Variants in ASH1L observed in about 807,000 individuals in gnomAD.
ASH1L encodes the protein ASH1 like histone lysine methyltransferase, also known as histone-lysine N-methyltransferase ASH1L.
ASH1L carries 23 observed loss-of-function variants against 269.0 expected under a neutral mutation model. The observed-to-expected ratio is 0.09, with a 90% CI of 0.06 to 0.12. The LOEUF is 0.12. ASH1L is among the 10% of genes least tolerant of loss of function. The pLI is 1.00. For synonymous variants in ASH1L, 1,187 were observed against 1,253.5 expected (o/e 0.95, Z 1.12); for missense variants, 2,912 against 3,567.8 (o/e 0.82, Z 4.68).
intron 2 of ASH1L, among the ~76,000 whole-genome samples, chr1:155,486,475 C>G (rs750413209): frequency 7.9e-5 from 12 of 151,076 alleles, no homozygotes; most frequent in Admixed American, 1.3e-4. Flanking sequence ...CTACTGTTGA[C>G]AGCACAACAG....
At chr1:155,350,697 C>A (rs369777430) in intron 17 of ASH1L, among the ~76,000 whole-genome samples, 1 of 152,004 alleles carries the variant, frequency 6.6e-6, no homozygotes, top group Non-Finnish European at 1.5e-5. Context: ...TCAAGGCGGG[C>A]AGATCATGAG....
At chr1:155,508,002 C>CT (rs762754026) in intron 2 of ASH1L, among the ~76,000 whole-genome samples, 1,979 of 136,518 alleles carry the variant, frequency 0.014, 16 homozygotes, top group Non-Finnish European at 0.021. Context: ...GTATACTTGA[C>CT]TTTTTTTTTT....
At chr1:155,475,667 T>C (rs112763433) in intron 3 of ASH1L, among the ~76,000 whole-genome samples, 18 of 152,322 alleles carry the variant, frequency 1.2e-4, no homozygotes, top group South Asian at 4.1e-4. Flanking sequence ...GCATTTACTA[T>C]TGTATATGCC....
chr1:155,504,002 T>C (rs928229063), intron 2 of ASH1L, among the ~76,000 whole-genome samples: 2 of 152,136 alleles, frequency 1.3e-5, no homozygotes, highest in African/African-American at 4.8e-5. Flanking sequence ...GGATTACAGG[T>C]GGGAGCCACC....
chr1:155,449,026 C>G (rs140282381), intron 4 of ASH1L, among the ~76,000 whole-genome samples: 1 of 152,002 alleles, frequency 6.6e-6, no homozygotes, highest in Non-Finnish European at 1.5e-5. Flanking sequence ...CTCCACCTCC[C>G]GAGGTCAAGT....
At chr1:155,382,852 A>C (rs1322357296) in intron 7 of ASH1L, among the ~76,000 whole-genome samples, 2 of 152,004 alleles carry the variant, frequency 1.3e-5, no homozygotes, top group African/African-American at 4.8e-5. Context: ...CTACCTGCCA[A>C]GTTGCTGGCA....
chr1:155,495,204 T>C (rs934029492), intron 2 of ASH1L, among the ~76,000 whole-genome samples: 1 of 152,166 alleles, frequency 6.6e-6, no homozygotes, highest in African/African-American at 2.4e-5. Context: ...GGGTGACAGC[T>C]AGATGATGAA....
At position 155,336,979 on chromosome 1, in the gene ASH1L, T is replaced by C. The variant is rs750470549; in HGVS notation, c.*681A>G. ...GTTATGAAGGGTAAAACAAAAATAA[T>C]TGCAAGAACTACCGTGCCCTTCTGA... On this transcript the variant is annotated 3_prime_UTR_variant, in exon 28 of 28. Coordinates refer to ENST00000392403, the MANE Select transcript of ASH1L (RefSeq NM_018489.3). 28 of 152,284 alleles carry C rather than the reference T, an allele frequency of 1.8e-4. No individual in the cohort carries two copies. The highest frequency in any genetic ancestry group is 4.6e-4 in the African/African-American group (19 of 41,422). 9.4% of individuals were successfully genotyped at this position (152,284 alleles called of 1,614,324 possible).
At chr1:155,472,617 C>T (rs1454429725) in intron 3 of ASH1L, among the ~76,000 whole-genome samples, 1 of 152,064 alleles carries the variant, frequency 6.6e-6, no homozygotes, top group Non-Finnish European at 1.5e-5. Context: ...AGATACAACA[C>T]ACAACAGAAA....
At chr1:155,544,036 A>G (rs1178343413) in intron 1 of ASH1L, among the ~76,000 whole-genome samples, 4 of 151,902 alleles carry the variant, frequency 2.6e-5, no homozygotes, top group Non-Finnish European at 5.9e-5. Context: ...CCCAGACTGG[A>G]GTGCAGTTGT....
intron 1 of ASH1L, among the ~76,000 whole-genome samples, chr1:155,523,302 C>G (rs1295502703): frequency 6.6e-6 from 1 of 152,042 alleles, no homozygotes; most frequent in Non-Finnish European, 1.5e-5. Flanking sequence ...TGAGACCAGA[C>G]TGGGCAACAT....
intron 3 of ASH1L, among the ~76,000 whole-genome samples, chr1:155,464,293 C>T (rs908189258): frequency 1.3e-5 from 2 of 152,096 alleles, no homozygotes; most frequent in African/African-American, 2.4e-5. Flanking sequence ...ACAAAGAACA[C>T]AATTGTAGAT....
In ASH1L at chr1:155,433,444, CG is replaced by C. The variant is rs747170077; in HGVS notation, c.5828+4882del. 6.1e-4 allele frequency: 982 copies of C among 1,609,930 alleles called. 1 individual carries two copies. The highest frequency in any genetic ancestry group is 7.7e-4 in the Non-Finnish European group (907 of 1,178,754). ...TTGGAGTGCGGCTAGTGCCCCAAGG[CG>C]GCTTGGAGACCTCTCAGCCTGAGGG... On this transcript the variant is annotated intron_variant, in intron 5 of 27. Transcript: ENST00000392403.
chr1:155,495,312 T>C (rs1667072285), intron 2 of ASH1L, among the ~76,000 whole-genome samples: 1 of 152,146 alleles, frequency 6.6e-6, no homozygotes, highest in Non-Finnish European at 1.5e-5. Context: ...GATCATAGTG[T>C]GTAATTACAC....
intron 1 of ASH1L, among the ~76,000 whole-genome samples, chr1:155,531,942 A>T (rs16836867): frequency 0.051 from 7,707 of 152,312 alleles, 662 homozygotes; most frequent in African/African-American, 0.18. Context: ...AGCAATGTTC[A>T]TTGAGAATAT....
rs754468135 is a variant in ASH1L at position 155,521,268 on chromosome 1, A to C, written c.252T>G (p.Asn84Lys). 3.1e-6 allele frequency: 5 copies of C among 1,614,088 alleles called. No homozygotes were observed. In the Admixed American group the frequency reaches 8.3e-5, roughly 27 times the overall value. Residue 84 changes from asparagine (N) to lysine (K), a missense_variant, in exon 2 of 28, where the codon AAT (asparagine) becomes AAG (lysine). By Grantham distance (94) the Asn-to-Lys change is moderately conservative. Transcript: ENST00000392403. ...CCTGGAGGCCAATTTTCAATTTTAA[A>C]TTTCCCTCTGAAAAGTTTGTTTCTT... ...SVKETNFSEG[N>K]LKLKIGLQAK...
intron 1 of ASH1L, among the ~76,000 whole-genome samples, chr1:155,556,758 A>G (rs954609255): frequency 1.3e-5 from 2 of 152,112 alleles, no homozygotes; most frequent in Non-Finnish European, 1.5e-5. Flanking sequence ...TTTTTAAATG[A>G]ACAAAATTGC....
At chr1:155,384,939 C>G (rs1410969382) in intron 7 of ASH1L, among the ~76,000 whole-genome samples, 1 of 151,894 alleles carries the variant, frequency 6.6e-6, no homozygotes, top group African/African-American at 2.4e-5. Context: ...GCTCCTCAGT[C>G]TTTCTGTTTT....
chr1:155,532,965 G>GGGA (rs1553275253), intron 1 of ASH1L, among the ~76,000 whole-genome samples: 11 of 142,038 alleles, frequency 7.7e-5, no homozygotes, highest in African/African-American at 2.9e-4. Flanking sequence ...ATATATGGGG[G>GGGA]GAGAGAGAGA....
Sources: gnomAD v4.1 joint callset for allele counts (sites outside exome capture counted in the v4.1 genomes callset) on GRCh38, gnomAD v4.1.1 for gene constraint, MANE v1.5 for transcripts, NCBI Gene and HGNC (gene_info 2026-07-23, HGNC 2026-07-21) for gene names.